Variants in DPYD observed in about 807,000 individuals in gnomAD.
The protein encoded by DPYD is dihydropyrimidine dehydrogenase [NADP(+)].
DPYD carries 109 observed loss-of-function variants against 116.2 expected under a neutral mutation model. The observed-to-expected ratio is 0.94, with a 90% CI of 0.80 to 1.10. The LOEUF is 1.10. Ranked by LOEUF, DPYD falls within the 50% of genes least tolerant of loss-of-function variation. The pLI is 0.00. For missense variants in DPYD, 1,302 were observed against 1,254.5 expected, an observed-to-expected ratio of 1.04 and a Z score of -0.57; for synonymous variants, 440 against 432.0, an observed-to-expected ratio of 1.02 and a Z score of -0.23.
chr1:97,597,462 G>T (rs1654962833), intron 8 of DPYD, among the ~76,000 whole-genome samples: 1 of 152,142 alleles, frequency 6.6e-6, no homozygotes, highest in Non-Finnish European at 1.5e-5. Flanking sequence ...CAGTTCTGTG[G>T]TATTGTATAA....
intron 16 of DPYD, among the ~76,000 whole-genome samples, chr1:97,358,278 T>C (rs1283934175): frequency 6.6e-6 from 1 of 152,058 alleles, no homozygotes. Context: ...GAGGCTTGAA[T>C]AGGTAAACAT....
At chr1:97,580,865 A>G (rs1653607582) in intron 10 of DPYD, among the ~76,000 whole-genome samples, 1 of 152,090 alleles carries the variant, frequency 6.6e-6, no homozygotes, top group African/African-American at 2.4e-5. Flanking sequence ...GTAATATTTT[A>G]TCTACTAACC....
intron 8 of DPYD, among the ~76,000 whole-genome samples, chr1:97,613,103 T>C (rs1372395365): frequency 6.6e-6 from 1 of 152,004 alleles, no homozygotes; most frequent in Admixed American, 6.6e-5. Context: ...CTCTCTTTCC[T>C]TTTTTCTGCC....
chr1:97,862,885 G>T (rs1358329554), intron 2 of DPYD, among the ~76,000 whole-genome samples: 1 of 151,736 alleles, frequency 6.6e-6, no homozygotes, highest in Admixed American at 6.6e-5. Flanking sequence ...AACAAATATA[G>T]CAACAGGAAA....
At chr1:97,910,334 G>T (rs1330002643) in intron 1 of DPYD, among the ~76,000 whole-genome samples, 1 of 151,980 alleles carries the variant, frequency 6.6e-6, no homozygotes, top group African/African-American at 2.4e-5. Flanking sequence ...AAAAAAGAGA[G>T]TAAATTCCTG....
At chr1:97,587,650 C>T (rs116257275) in intron 10 of DPYD, among the ~76,000 whole-genome samples, 65 of 151,654 alleles carry the variant, frequency 4.3e-4, no homozygotes, top group African/African-American at 1.5e-3. Flanking sequence ...ATGGTGAAAC[C>T]CCGTTTCGAA....
At chr1:97,110,349 T>A (rs964077487) in intron 20 of DPYD, among the ~76,000 whole-genome samples, 2 of 152,104 alleles carry the variant, frequency 1.3e-5, no homozygotes, top group African/African-American at 4.8e-5. Flanking sequence ...CCCACTCACC[T>A]GCACTTTCAC....
At chr1:97,473,086 G>GT (rs1251831542) in intron 13 of DPYD, among the ~76,000 whole-genome samples, 1 of 152,118 alleles carries the variant, frequency 6.6e-6, no homozygotes, top group Non-Finnish European at 1.5e-5. Context: ...TCTTAAAATT[G>GT]TAAGTGTGTA....
At chr1:97,835,909 G>C (rs1461448245) in intron 2 of DPYD, among the ~76,000 whole-genome samples, 1 of 152,068 alleles carries the variant, frequency 6.6e-6, no homozygotes, top group Non-Finnish European at 1.5e-5. Flanking sequence ...ATTTCAACCA[G>C]GGAAGCCTGC....
intron 12 of DPYD, among the ~76,000 whole-genome samples, chr1:97,541,365 T>C (rs1488143905): frequency 6.6e-6 from 1 of 152,220 alleles, no homozygotes; most frequent in Admixed American, 6.5e-5. Context: ...AAAATACTGC[T>C]GTCAAATTAG....
At chr1:97,488,823 C>T (rs536621687) in intron 13 of DPYD, among the ~76,000 whole-genome samples, 11 of 152,288 alleles carry the variant, frequency 7.2e-5, no homozygotes, top group African/African-American at 1.7e-4. Flanking sequence ...TTGGAAATTT[C>T]GGCATAATCT....
chr1:97,553,594 G>T (rs903801629), intron 11 of DPYD, among the ~76,000 whole-genome samples: 4 of 152,046 alleles, frequency 2.6e-5, no homozygotes, highest in African/African-American at 9.7e-5. Flanking sequence ...ATTTACATCT[G>T]CAAACCAAAT....
rs547288501 is a variant in DPYD, at chr1:97,378,450, G to A, written c.1974+3943C>T. ...TGTTTTAGTGTTTTATTTTGGCCCC[G>A]CCAGGAATAGTGTGGTCACTTGGTT... On this transcript the variant is annotated intron_variant, in intron 15 of 22. Transcript: ENST00000370192. 5.9e-5 allele frequency among the ~76,000 whole-genome samples: 9 copies of A among 152,068 alleles called. No individual in the cohort carries two copies. The South Asian group carries it at 6.2e-4, about 11-fold the overall frequency.
At chr1:97,229,587 T>TATATATATATATATATATAA (rs1434809487) in intron 19 of DPYD, among the ~76,000 whole-genome samples, 1 of 64,672 alleles carries the variant, frequency 1.5e-5, no homozygotes, top group African/African-American at 5.8e-5. Flanking sequence ...TATATATATA[T>TATATATATATATATATATAA]ATACTGATTT....
At chr1:97,363,422 T>C (rs574254111) in intron 16 of DPYD, among the ~76,000 whole-genome samples, 15 of 152,282 alleles carry the variant, frequency 9.9e-5, no homozygotes, top group African/African-American at 2.6e-4. Flanking sequence ...GAACTAGAAA[T>C]ATCATTTGAC....
chr1:97,537,299 A>T (rs1402873084), intron 12 of DPYD, among the ~76,000 whole-genome samples: 1 of 152,190 alleles, frequency 6.6e-6, no homozygotes, highest in East Asian at 1.9e-4. Context: ...AAATTCTTAC[A>T]ACCCAGCATT....
intron 20 of DPYD, among the ~76,000 whole-genome samples, chr1:97,130,291 C>A (rs901222537): frequency 6.6e-6 from 1 of 152,188 alleles, no homozygotes; most frequent in South Asian, 2.1e-4. Flanking sequence ...CATTATGGAA[C>A]CTGTTGTTGC....
intron 7 of DPYD, among the ~76,000 whole-genome samples, chr1:97,680,216 A>T (rs1354776261): frequency 6.6e-6 from 1 of 152,176 alleles, no homozygotes; most frequent in Non-Finnish European, 1.5e-5. Flanking sequence ...TATAAAAGCT[A>T]TCATAGTTGG....
intron 13 of DPYD, among the ~76,000 whole-genome samples, chr1:97,499,704 C>T (rs557147186): frequency 6.6e-6 from 1 of 151,980 alleles, no homozygotes; most frequent in African/African-American, 2.4e-5. Flanking sequence ...AAAGTCACAA[C>T]AATTTTTGAT....
Sources: gnomAD v4.1 joint callset for allele counts (sites outside exome capture counted in the v4.1 genomes callset) on GRCh38, gnomAD v4.1.1 for gene constraint, MANE v1.5 for transcripts, NCBI Gene and HGNC (gene_info 2026-07-23, HGNC 2026-07-21) for gene names.